Variants in TAF3 observed in about 807,000 individuals in gnomAD.
The protein encoded by TAF3 is transcription initiation factor TFIID subunit 3.
TAF3 carries 7 observed loss-of-function variants against 80.6 expected under a neutral mutation model. That is an observed-to-expected ratio of 0.09 (90% confidence interval 0.05 to 0.16). The LOEUF (loss-of-function observed/expected upper bound fraction) is 0.16, where lower values mean the gene tolerates loss of function less well. Among genes scored for constraint, TAF3 ranks in the 10% least tolerant of loss-of-function variants. The probability of loss-of-function intolerance (pLI) is 1.00; values close to 1 mark genes in which losing one functional copy is unlikely to be tolerated. For missense variants in TAF3, 921 were observed against 1,140.2 expected (o/e 0.81, Z 2.77); for synonymous variants, 444 against 446.1 (o/e 1.00, Z 0.06).
At chr10:7,819,760 T>C (rs1435993876) in intron 1 of TAF3, among the ~76,000 whole-genome samples, 1 of 152,212 alleles carries the variant, frequency 6.6e-6, no homozygotes, top group South Asian at 2.1e-4. Context: ...TTTAAGGTGG[T>C]GAGCTGGAGA....
At chr10:7,864,397 A>G (rs1165817790) in intron 2 of TAF3, among the ~76,000 whole-genome samples, 9 of 152,230 alleles carry the variant, frequency 5.9e-5, no homozygotes, top group African/African-American at 2.2e-4. Flanking sequence ...GGTTAACTCT[A>G]ACAAATGCAT....
intron 4 of TAF3, among the ~76,000 whole-genome samples, chr10:7,980,410 G>A (rs1182239277): frequency 1.3e-5 from 2 of 152,116 alleles, no homozygotes; most frequent in African/African-American, 4.8e-5. Flanking sequence ...CTTGAAGCAA[G>A]ACAGGAATAA....
chr10:7,923,071 A>G (rs923354760), intron 2 of TAF3, among the ~76,000 whole-genome samples: 5 of 152,068 alleles, frequency 3.3e-5, no homozygotes, highest in South Asian at 2.1e-4. Context: ...TTTTCTTTCT[A>G]TATGAATAAA....
chr10:7,940,684 G>A (rs1837967693), intron 2 of TAF3, among the ~76,000 whole-genome samples: 1 of 152,224 alleles, frequency 6.6e-6, no homozygotes, highest in African/African-American at 2.4e-5. Context: ...GCCAGGCATG[G>A]TGGCTTATGC....
intron 3 of TAF3, 111 bp from the exon 4 acceptor site, chr10:7,977,113 CTAAATTTTAGCCATATT>C (rs1277040100): frequency 1.3e-6 from 1 of 787,592 alleles, no homozygotes; most frequent in Non-Finnish European, 2.1e-6. Context: ...GTCTTTCTGT[CTAAATTTTAGCCATATT>C]TAAGGCTTCA....
chr10:7,846,495 T>G (rs1375621710), intron 2 of TAF3, among the ~76,000 whole-genome samples: 1 of 152,254 alleles, frequency 6.6e-6, no homozygotes, highest in Non-Finnish European at 1.5e-5. Flanking sequence ...TTGGGTCCAC[T>G]GGCTCCAGTT....
chr10:7,927,078 G>A (rs1837822972), intron 2 of TAF3, among the ~76,000 whole-genome samples: 1 of 152,164 alleles, frequency 6.6e-6, no homozygotes. Context: ...CTTATCAAAT[G>A]ATAAAGAAAC....
intron 2 of TAF3, among the ~76,000 whole-genome samples, chr10:7,879,036 C>T (rs908498138): frequency 2.0e-5 from 3 of 152,040 alleles, no homozygotes; most frequent in Admixed American, 6.6e-5. Context: ...CAAATTCAAC[C>T]AATTTAGTGT....
At chr10:7,894,438 A>G (rs1837487469) in intron 2 of TAF3, among the ~76,000 whole-genome samples, 1 of 152,178 alleles carries the variant, frequency 6.6e-6, no homozygotes, top group East Asian at 1.9e-4. Context: ...ACTGGTGGAG[A>G]GGTGGTATCC....
chr10:7,887,766 C>G (rs1163231239), intron 2 of TAF3, among the ~76,000 whole-genome samples: 2 of 151,810 alleles, frequency 1.3e-5, no homozygotes, highest in Non-Finnish European at 2.9e-5. Flanking sequence ...GAAGAAGATC[C>G]CTGGTTATAC....
chr10:7,885,575 C>T lies in TAF3; in HGVS notation c.409+61015C>T, dbSNP rs373029769. Among the ~76,000 whole-genome samples, 12 of 152,294 alleles carry T rather than the reference C, an allele frequency of 7.9e-5. No individual in the cohort carries two copies. The East Asian group carries it at 1.9e-3, about 24-fold the overall frequency. ...TGTAGGCAACCAGTCTCATTAGTTTCTGCTTTATCCTTCCTGTCTCTTTCA... is the reference window on the plus strand; with the variant it reads ...TGTAGGCAACCAGTCTCATTAGTTTTTGCTTTATCCTTCCTGTCTCTTTCA... On this transcript the variant is annotated intron_variant, in intron 2 of 6. Coordinates refer to ENST00000344293, the MANE Select transcript of TAF3 (RefSeq NM_031923.4).
intron 4 of TAF3, among the ~76,000 whole-genome samples, chr10:7,977,718 A>G (rs1308888937): frequency 2.0e-5 from 3 of 152,206 alleles, no homozygotes; most frequent in Non-Finnish European, 1.5e-5. Context: ...ACAAAGAACA[A>G]AGATTCTCTT....
chr10:7,986,133 AT>A (rs979656805), intron 4 of TAF3, among the ~76,000 whole-genome samples: 28 of 151,060 alleles, frequency 1.9e-4, no homozygotes, highest in East Asian at 7.8e-4. Context: ...TTATGGACTT[AT>A]TTTTTTTCCC....
intron 4 of TAF3, among the ~76,000 whole-genome samples, chr10:7,989,268 C>A (rs1488880970): frequency 6.6e-6 from 1 of 152,110 alleles, no homozygotes; most frequent in Non-Finnish European, 1.5e-5. Flanking sequence ...TAGGATAAAG[C>A]CCACTCAGGC....
rs5783006 is a variant in TAF3, at chr10:7,971,452, G to GT, written c.2232+5725dup. 3.6e-3 allele frequency among the ~76,000 whole-genome samples: 505 copies of GT among 139,258 alleles called. 1 individual carries two copies. The highest frequency in any genetic ancestry group is 8.2e-3 in the African/African-American group (304 of 37,160). The allele number at this position is 139,258 out of a possible 152,430, so 91.4% of individuals were successfully genotyped here. On this transcript the variant is annotated intron_variant, in intron 3 of 6. Transcript: ENST00000344293. ...ACCCTAGCTAGTATACATATATGGTGTTTTTTTTTTTTTTTAATGAAAGGA... is the reference window on the plus strand; with the variant it reads ...ACCCTAGCTAGTATACATATATGGTGTTTTTTTTTTTTTTTTAATGAAAGGA...
chr10:7,928,423 C>T (rs1837836071), intron 2 of TAF3, among the ~76,000 whole-genome samples: 1 of 151,998 alleles, frequency 6.6e-6, no homozygotes, highest in East Asian at 1.9e-4. Flanking sequence ...GTAGTTTTAC[C>T]TTTTGTGTCA....
intron 2 of TAF3, among the ~76,000 whole-genome samples, chr10:7,916,354 C>T (rs1331116716): frequency 6.6e-6 from 1 of 152,208 alleles, no homozygotes; most frequent in African/African-American, 2.4e-5. Flanking sequence ...GCCTTATGCA[C>T]CATCACCCTG....
At chr10:7,854,923 C>T (rs779545168) in intron 2 of TAF3, among the ~76,000 whole-genome samples, 6 of 152,162 alleles carry the variant, frequency 3.9e-5, no homozygotes, top group African/African-American at 1.4e-4. Context: ...CTTTTGACTT[C>T]TGGTTGAAGA....
intron 2 of TAF3, among the ~76,000 whole-genome samples, chr10:7,953,629 G>T (rs569985254): frequency 6.6e-6 from 1 of 152,320 alleles, no homozygotes; most frequent in Non-Finnish European, 1.5e-5. Context: ...ATGTGGCTCC[G>T]TGTGTACCTT....
Sources: gnomAD v4.1 joint callset for allele counts (sites outside exome capture counted in the v4.1 genomes callset) on GRCh38, gnomAD v4.1.1 for gene constraint, MANE v1.5 for transcripts, NCBI Gene and HGNC (gene_info 2026-07-23, HGNC 2026-07-21) for gene names.